Variants in HIVEP1 observed in about 807,000 individuals in gnomAD.
HIVEP1 encodes the protein HIVEP zinc finger 1.
HIVEP1 carries 36 observed loss-of-function variants against 180.0 expected under a neutral mutation model. The observed-to-expected ratio is 0.20, with a 90% CI of 0.15 to 0.26. The LOEUF (loss-of-function observed/expected upper bound fraction) is 0.26. Ranked by LOEUF, HIVEP1 falls within the 10% of genes least tolerant of loss-of-function variation. HIVEP1 has a pLI of 1.00. For synonymous variants in HIVEP1, 1,239 were observed against 1,239.0 expected (o/e 1.00, Z 0.00); for missense variants, 3,143 against 3,268.7 (o/e 0.96, Z 0.94).
At chr6:12,032,207 T>C (rs1198175199) in intron 2 of HIVEP1, among the ~76,000 whole-genome samples, 1 of 150,972 alleles carries the variant, frequency 6.6e-6, no homozygotes, top group Non-Finnish European at 1.5e-5. Context: ...GTGGCGCGAT[T>C]TCGGCTCACT....
chr6:12,039,689 A>C (rs1025801510), intron 2 of HIVEP1, among the ~76,000 whole-genome samples: 1 of 152,234 alleles, frequency 6.6e-6, no homozygotes, highest in Non-Finnish European at 1.5e-5. Flanking sequence ...AAAGAGTAGA[A>C]GTAGCCTCTT....
In HIVEP1 at chr6:12,163,715, C is replaced by G. The variant is rs1384585276; in HGVS notation, c.7411C>G (p.Gln2471Glu). The stretch of plus-strand genomic sequence containing the variant: ...TGTTGTGCCATGTATTCCTATCGGC[C>G]AAATCCGCGTGCCAGGCCTTCAGAA... ...SSVVPCIPIG[Q>E]IRVPGLQNLS... Residue 2471 changes from glutamine to glutamate, a missense_variant, in exon 9 of 9, where the codon CAA (glutamine) becomes GAA (glutamate). Physicochemically the swap from Gln to Glu is conservative, Grantham distance 29 (BLOSUM62 2). Coordinates refer to ENST00000379388, the MANE Select transcript of HIVEP1 (RefSeq NM_002114.4). 2 of 1,614,140 alleles carry G rather than the reference C, an allele frequency of 1.2e-6. No homozygotes were observed. Among genetic ancestry groups the G allele is most frequent in the Non-Finnish European group, 1.7e-6 (2 of 1,180,028 alleles).
At chr6:12,025,136 A>G (rs1253391025) in intron 2 of HIVEP1, among the ~76,000 whole-genome samples, 1 of 152,154 alleles carries the variant, frequency 6.6e-6, no homozygotes, top group Non-Finnish European at 1.5e-5. Flanking sequence ...AGGGTCACAT[A>G]GCTAGGAGTC....
intron 7 of HIVEP1, among the ~76,000 whole-genome samples, chr6:12,159,528 G>A (rs1760271021): frequency 6.6e-6 from 1 of 152,156 alleles, no homozygotes; most frequent in Admixed American, 6.6e-5. Context: ...TCCTCAGCCA[G>A]GGCGGAGGCT....
At chr6:12,075,133 A>G (rs927707985) in intron 2 of HIVEP1, among the ~76,000 whole-genome samples, 1 of 152,224 alleles carries the variant, frequency 6.6e-6, no homozygotes, top group African/African-American at 2.4e-5. Context: ...TTTCATGCAC[A>G]CGCACAGGCA....
chr6:12,104,604 G>A (rs1774322086), intron 3 of HIVEP1, among the ~76,000 whole-genome samples: 1 of 151,182 alleles, frequency 6.6e-6, no homozygotes, highest in Non-Finnish European at 1.5e-5. Flanking sequence ...TTTTGTTTTT[G>A]TTTTTGTTTT....
rs1276571197 is a variant in HIVEP1, at chr6:12,120,111, A to G, written c.316A>G (p.Lys106Glu). 2 of 1,613,358 alleles carry G rather than the reference A, an allele frequency of 1.2e-6. No homozygotes were observed. Among genetic ancestry groups the G allele is most frequent in the East Asian group, 2.2e-5 (1 of 44,876 alleles). Residue 106 changes from lysine (K) to glutamate (E), a missense_variant, in exon 4 of 9, where the codon AAG (lysine) becomes GAG (glutamate). Physicochemically the swap from Lys to Glu is moderately conservative, Grantham distance 56. Transcript: ENST00000379388. ...GAATTATATTCCTGTAAAAAATGGGAAGCAGTTTACCAAACAAAATGGAGA... is the reference window on the plus strand; with the variant it reads ...GAATTATATTCCTGTAAAAAATGGGGAGCAGTTTACCAAACAAAATGGAGA... ...KQNYIPVKNG[K>E]QFTKQNGETP...
intron 7 of HIVEP1, among the ~76,000 whole-genome samples, chr6:12,139,812 G>GT (rs1243474001): frequency 5.9e-5 from 9 of 152,260 alleles, no homozygotes. Flanking sequence ...TGAGGCTTGA[G>GT]TAGGTAAACA....
Position 12,121,827 on chromosome 6 carries a change from C to A in HIVEP1, c.2032C>A (p.Arg678Ser), listed in dbSNP as rs775810482. Residue 678 changes from arginine to serine, a missense_variant, in exon 4 of 9, where the codon CGT (arginine) becomes AGT (serine). Physicochemically the swap from Arg to Ser is moderately radical, Grantham distance 110. This residue lies in a region of HIVEP1 where 365 missense variants were observed against 344.4 expected (regional missense o/e 1.06). Coordinates refer to ENST00000379388, the MANE Select transcript of HIVEP1 (RefSeq NM_002114.4). This position sits in a 1 kb window ranked among gnomAD's most constrained non-coding sequence, Gnocchi z 5.3. ...AAGTACGGATTCTGGTTACTTTTCA[C>A]GTTCTGAAAGTGCCGATCAAACAGT... The part of the protein sequence containing the change: ...LGSTDSGYFS[R>S]SESADQTVSP... 1 of 1,614,182 alleles carries A rather than the reference C, an allele frequency of 6.2e-7. No homozygotes were observed. Among genetic ancestry groups the A allele is most frequent in the Non-Finnish European group, 8.5e-7 (1 of 1,180,036 alleles).
At chr6:12,142,760 A>T (rs1429479277) in intron 7 of HIVEP1, among the ~76,000 whole-genome samples, 1 of 152,214 alleles carries the variant, frequency 6.6e-6, no homozygotes, top group Non-Finnish European at 1.5e-5. Context: ...AAACACCTCT[A>T]TGCAAATAAA....
intron 7 of HIVEP1, among the ~76,000 whole-genome samples, chr6:12,139,561 C>G: frequency 6.6e-6 from 1 of 152,262 alleles, no homozygotes; most frequent in East Asian, 1.9e-4. Context: ...CACAAGGGGT[C>G]AGGGGATTTC....
intron 2 of HIVEP1, among the ~76,000 whole-genome samples, chr6:12,035,056 G>A (rs1457078749): frequency 1.3e-5 from 2 of 152,204 alleles, no homozygotes; most frequent in Non-Finnish European, 2.9e-5. Context: ...GGATGTGGAT[G>A]TTATTATTTC....
intron 2 of HIVEP1, among the ~76,000 whole-genome samples, chr6:12,017,784 T>C (rs978960769): frequency 1.3e-5 from 2 of 152,128 alleles, no homozygotes; most frequent in Non-Finnish European, 2.9e-5. Flanking sequence ...AGATAAAGAG[T>C]GCTGATTGGT....
downstream of HIVEP1, among the ~76,000 whole-genome samples, chr6:12,168,327 T>TATATAATATACATATATAA (rs1562024998): frequency 3.2e-5 from 1 of 31,590 alleles, no homozygotes; most frequent in South Asian, 7.8e-4. Context: ...TACATATATA[T>TATATAATATACATATATAA]TATATAATTA....
intron 2 of HIVEP1, among the ~76,000 whole-genome samples, chr6:12,022,043 G>A (rs1277466011): frequency 6.6e-6 from 1 of 152,178 alleles, no homozygotes; most frequent in Non-Finnish European, 1.5e-5. Flanking sequence ...TTTGAACCTC[G>A]AGTAGGAAAT....
intron 7 of HIVEP1, among the ~76,000 whole-genome samples, chr6:12,145,180 C>T (rs1759293913): frequency 6.6e-6 from 1 of 152,192 alleles, no homozygotes; most frequent in African/African-American, 2.4e-5. Flanking sequence ...CCATGGAATA[C>T]TCTGCAGCCA....
chr6:12,133,702 G>T (rs1178342326), intron 6 of HIVEP1, among the ~76,000 whole-genome samples: 1 of 152,130 alleles, frequency 6.6e-6, no homozygotes, highest in East Asian at 1.9e-4. Context: ...TTAAAAGAGG[G>T]CCAGGTGCGG....
intron 6 of HIVEP1, among the ~76,000 whole-genome samples, chr6:12,132,901 A>C (rs146384125): frequency 2.6e-5 from 4 of 152,122 alleles, no homozygotes; most frequent in Non-Finnish European, 5.9e-5. Context: ...AATCTATGTA[A>C]AACAGATTCC....
chr6:12,143,379 C>T (rs570340314), intron 7 of HIVEP1, among the ~76,000 whole-genome samples: 50 of 152,232 alleles, frequency 3.3e-4, no homozygotes, highest in African/African-American at 1.1e-3. Flanking sequence ...ATTGATGGAA[C>T]GTATCTCAAA....
Sources: allele counts gnomAD v4.1 joint callset (sites outside exome capture counted in the v4.1 genomes callset), GRCh38; gene constraint gnomAD v4.1.1; regional missense constraint gnomAD v4.1.1; non-coding constraint Gnocchi (gnomAD v3.1); transcripts MANE v1.5; gene names NCBI Gene and HGNC (gene_info 2026-07-23, HGNC 2026-07-21).